IDE: variants seen among roughly 807,000 people sequenced by gnomAD.
IDE encodes insulin-degrading enzyme.
IDE carries 58 observed loss-of-function variants against 133.2 expected under a neutral mutation model. The observed-to-expected ratio is 0.44, with a 90% confidence interval of 0.35 to 0.54. The LOEUF (loss-of-function observed/expected upper bound fraction) is 0.54. Ranked by LOEUF, IDE falls within the 20% of genes least tolerant of loss-of-function variation. The probability of loss-of-function intolerance (pLI) is 0.00; values close to 1 mark genes in which losing one functional copy is unlikely to be tolerated. For missense variants in IDE, 981 were observed against 1,234.0 expected (o/e 0.79, Z 3.07); for synonymous variants, 396 against 421.3 (o/e 0.94, Z 0.73).
intron 4 of IDE, among the ~76,000 whole-genome samples, chr10:92,523,667 C>T (rs2135606793): frequency 1.4e-5 from 2 of 147,632 alleles, no homozygotes; most frequent in Middle Eastern, 3.4e-3. Flanking sequence ...TGCCATGTCA[C>T]TTCAGCATGG....
At chr10:92,465,378 T>A (rs191469716) in intron 20 of IDE, among the ~76,000 whole-genome samples, 102 of 152,336 alleles carry the variant, frequency 6.7e-4, no homozygotes, top group African/African-American at 2.4e-3. Context: ...GGATGGCTCA[T>A]TTCTCATCTT....
rs61736444 is a variant in IDE, at chr10:92,465,739, C to G, written c.2425G>C (p.Glu809Gln). The change falls in exon 20 of 25, where the codon GAG becomes CAG. Residue 809 changes from glutamate to glutamine, a missense_variant. Physicochemically the swap from Glu to Gln is conservative, Grantham distance 29. This residue lies in a region of IDE where 660 missense variants were observed against 894.7 expected (regional missense o/e 0.74). Transcript: ENST00000265986. ...MQSTSENMFL[E>Q]LFCQIISEPC... ...TCCGAGATAATCTGACAGAAGAGCTCCAGAAACATATTCTCTGAGGTGCTT... is the reference window on the plus strand; with the variant it reads ...TCCGAGATAATCTGACAGAAGAGCTGCAGAAACATATTCTCTGAGGTGCTT... 6.2e-7 allele frequency: 1 copy of G among 1,613,792 alleles called. No homozygotes were observed. The highest frequency in any genetic ancestry group is 1.3e-5 in the African/African-American group (1 of 74,896).
chr10:92,492,117 G>A lies in IDE; in HGVS notation c.1431-1522C>T, dbSNP rs986744313. Among the ~76,000 whole-genome samples the A allele has an allele frequency of 3.9e-5, 6 of 151,900 alleles. No individual in the cohort carries two copies. In the South Asian group the frequency reaches 6.2e-4, roughly 16 times the overall value. ...CTACTAAAAATACAAAAAATTAGCC[G>A]GGTGTGGTGGCGGGTGCCTATAGTA... On this transcript the variant is annotated intron_variant, in intron 11 of 24. Transcript: ENST00000265986.
rs1352382120 is a variant in IDE, at chr10:92,465,712, G to T, written c.2452C>A (p.Pro818Thr). 2.5e-6 allele frequency: 4 copies of T among 1,613,962 alleles called. No homozygotes were observed. The highest frequency in any genetic ancestry group is 3.4e-6 in the Non-Finnish European group (4 of 1,179,926). ...TTGGTGCGCAGGGTGTTGAAGCAAG[G>T]TTCCGAGATAATCTGACAGAAGAGC... ...LELFCQIISE[P>T]CFNTLRTKEQ... is the part of the protein sequence containing the mutation. Residue 818 changes from proline to threonine, a missense_variant, in exon 20 of 25, where the codon CCT (proline) becomes ACT (threonine). By Grantham distance (38) the Pro-to-Thr change is conservative. This residue lies in a region of IDE where 660 missense variants were observed against 894.7 expected (regional missense o/e 0.74). Coordinates refer to ENST00000265986, the MANE Select transcript of IDE (RefSeq NM_004969.4).
intron 13 of IDE, among the ~76,000 whole-genome samples, chr10:92,486,398 T>C (rs941761009): frequency 6.6e-6 from 1 of 152,260 alleles, no homozygotes; most frequent in East Asian, 1.9e-4. Context: ...ATTAATAATC[T>C]AGTTGCTTAA....
intron 5 of IDE, among the ~76,000 whole-genome samples, chr10:92,512,682 CT>C (rs968839556): frequency 2.7e-5 from 4 of 150,714 alleles, no homozygotes; most frequent in Admixed American, 1.3e-4. Flanking sequence ...ACAGAGTATG[CT>C]TTTTTTTTAC....
Position 92,531,787 on chromosome 10 carries a change from T to C in IDE, c.622A>G (p.Thr208Ala), listed in dbSNP as rs1297051350. 20 of 1,604,902 alleles carry C rather than the reference T, an allele frequency of 1.2e-5. No individual in the cohort carries two copies. The highest frequency in any genetic ancestry group is 1.6e-5 in the Non-Finnish European group (19 of 1,174,438). ...CTGAAGGGGTGTTTAGGATTCCCTG[T>C]AGCTTTTTCCAATTGAAAGAGTCTC... The part of the protein sequence containing the change: ...AWRLFQLEKA[T>A]GNPKHPFSKF... The change falls in exon 4 of 25, where the codon ACA (threonine) becomes GCA (alanine). Residue 208 changes from threonine to alanine, a missense_variant. Transcript: ENST00000265986.
intron 15 of IDE, among the ~76,000 whole-genome samples, chr10:92,476,936 C>A (rs1279174046): frequency 4.6e-5 from 7 of 151,958 alleles, no homozygotes; most frequent in Admixed American, 2.6e-4. Context: ...GAGTTTAAGA[C>A]CAACCTGGGC....
intron 1 of IDE, among the ~76,000 whole-genome samples, chr10:92,568,731 G>A (rs1354388610): frequency 2.0e-5 from 3 of 151,980 alleles, no homozygotes; most frequent in Admixed American, 6.6e-5. Context: ...CAGGAGAATC[G>A]CCTGAAGCTG....
chr10:92,491,909 C>T (rs1419626334), intron 11 of IDE, among the ~76,000 whole-genome samples: 1 of 152,054 alleles, frequency 6.6e-6, no homozygotes, highest in African/African-American at 2.4e-5. Flanking sequence ...CTGTGCCCAG[C>T]CTAAAAGCTT....
intron 5 of IDE, among the ~76,000 whole-genome samples, chr10:92,510,860 C>CAT (rs944595224): frequency 6.7e-6 from 1 of 149,828 alleles, no homozygotes; most frequent in South Asian, 2.1e-4. Context: ...ATATATATCA[C>CAT]ATATATATCA....
At position 92,474,954 on chromosome 10, in the gene IDE, C is replaced by A; in HGVS notation, c.2003G>T (p.Arg668Leu). ...RFEIIKEAYM[R>L]SLNNFRAEQP... ...TTCAGCCCGGAAATTGTTAAGAGAT[C>A]GCATATACTAGTGAAAGAGACATGC... is the stretch of plus-strand genomic sequence containing the variant. Residue 668 changes from arginine (R) to leucine (L), a missense_variant, in exon 17 of 25, where the codon CGA becomes CTA. Transcript: ENST00000265986. The A allele has an allele frequency of 6.2e-7, 1 of 1,604,914 alleles. No individual in the cohort carries two copies. The highest frequency in any genetic ancestry group is 1.1e-5 in the South Asian group (1 of 89,090).
intron 11 of IDE, among the ~76,000 whole-genome samples, chr10:92,498,816 T>A (rs900808621): frequency 6.6e-6 from 1 of 151,892 alleles, no homozygotes. Flanking sequence ...TCCCAGCTAC[T>A]GGGAGGCTGA....
chr10:92,509,646 T>C (rs555123606), intron 6 of IDE, among the ~76,000 whole-genome samples: 1 of 151,760 alleles, frequency 6.6e-6, no homozygotes, highest in Non-Finnish European at 1.5e-5. Context: ...AGGGGCTGGG[T>C]GCAGTGGCTC....
At chr10:92,546,154 A>T (rs1318684632) in intron 1 of IDE, among the ~76,000 whole-genome samples, 3 of 152,234 alleles carry the variant, frequency 2.0e-5, no homozygotes, top group Non-Finnish European at 4.4e-5. Context: ...AAAAGAGTAA[A>T]TACTGTAACC....
At chr10:92,552,224 A>G (rs1842817389) in intron 1 of IDE, among the ~76,000 whole-genome samples, 2 of 152,198 alleles carry the variant, frequency 1.3e-5, no homozygotes, top group African/African-American at 4.8e-5. Context: ...ATTGTGACCT[A>G]TTTTAAAAAT....
intron 4 of IDE, among the ~76,000 whole-genome samples, chr10:92,524,222 T>G (rs1444237618): frequency 7.1e-6 from 1 of 141,592 alleles, no homozygotes; most frequent in African/African-American, 2.6e-5. Flanking sequence ...GCAGAACTGC[T>G]TGAACCCGGG....
intron 11 of IDE, among the ~76,000 whole-genome samples, chr10:92,500,558 G>C (rs561539266): frequency 6.6e-6 from 1 of 152,310 alleles, no homozygotes; most frequent in South Asian, 2.1e-4. Flanking sequence ...AGAAGGCAGA[G>C]AGAAAAGGGA....
At chr10:92,507,481 A>C (rs1273438414) in intron 9 of IDE, 94 bp downstream of exon 9, 1 of 764,744 alleles carries the variant, frequency 1.3e-6, no homozygotes, top group Non-Finnish European at 2.3e-6. Context: ...AAAAACTTTA[A>C]AAGTTTAACT....
Sources: gnomAD v4.1 joint callset for allele counts (sites outside exome capture counted in the v4.1 genomes callset) on GRCh38, gnomAD v4.1.1 for gene constraint, gnomAD v4.1.1 regional missense constraint, MANE v1.5 for transcripts, NCBI Gene and HGNC (gene_info 2026-07-23, HGNC 2026-07-21) for gene names.